Variants in HMX1 observed in about 807,000 individuals in gnomAD.
The protein encoded by HMX1 is homeobox protein HMX1.
HMX1 carries 8 observed loss-of-function variants against 8.9 expected under a neutral mutation model. That is an observed-to-expected ratio of 0.90 (90% confidence interval 0.53 to 1.63). HMX1 has a LOEUF of 1.63. HMX1 is among the 40% of genes most tolerant of loss of function. The pLI is 0.00. For synonymous variants in HMX1, 311 were observed against 283.4 expected, an observed-to-expected ratio of 1.10 and a Z score of -0.98; for missense variants, 621 against 558.5, an observed-to-expected ratio of 1.11 and a Z score of -1.13.
intron 1 of HMX1, among the ~76,000 whole-genome samples, chr4:8,859,577 G>A (rs1184277126): frequency 6.6e-6 from 1 of 152,118 alleles, no homozygotes; most frequent in Non-Finnish European, 1.5e-5. Context: ...CGAGACCTCC[G>A]GAGCTGACAC....
In HMX1 at chr4:8,849,381, G is replaced by A. The variant is rs534562866; in HGVS notation, c.395-3057C>T. 1.3e-4 allele frequency among the ~76,000 whole-genome samples: 19 copies of A among 151,766 alleles called. No homozygotes were observed. The highest frequency in any genetic ancestry group is 3.5e-3 in the Middle Eastern group (1 of 288). On this transcript the variant is annotated intron_variant, in intron 1 of 1. Coordinates refer to the HMX1 transcript ENST00000506970. This position sits in a 1 kb window ranked among gnomAD's most constrained non-coding sequence, Gnocchi z 6.6. Reference sequence around the variant, plus strand: ...ACAGACTCACTAGAGGCAGGGCAGCGTGAAGCCAAGGAGAAGGCGGGCACT... The same window carrying A: ...ACAGACTCACTAGAGGCAGGGCAGCATGAAGCCAAGGAGAAGGCGGGCACT...
chr4:8,871,418 T>TGTAGCCGTCGCCGCC lies in HMX1; in HGVS notation c.182_196dup (p.Arg61_Leu65dup), dbSNP rs1722216390. 1 of 1,305,240 alleles carries TGTAGCCGTCGCCGCC rather than the reference T, an allele frequency of 7.7e-7. No homozygotes were observed. The highest frequency in any genetic ancestry group is 3.4e-5 in the East Asian group (1 of 29,528). The allele number at this position is 1,305,240 out of a possible 1,614,324, so 80.9% of individuals were successfully genotyped here. A position where few individuals can be genotyped will look rare whatever the true frequency, so the allele number is the denominator to read the frequency against. ...GCCCGCGAGCAACTGTCGCCGCCGC[T>TGTAGCCGTCGCCGCC]GTAGCCGTCGCCGCCGCGCCTGCTC... On this transcript the variant is annotated inframe_insertion, in exon 1 of 2. Coordinates refer to ENST00000400677, the MANE Select transcript of HMX1 (RefSeq NM_018942.3). This position sits in a 1 kb window ranked among gnomAD's most constrained non-coding sequence, Gnocchi z 4.8.
At chr4:8,869,308 C>G (rs1722133365) in intron 1 of HMX1, among the ~76,000 whole-genome samples, 1 of 152,200 alleles carries the variant, frequency 6.6e-6, no homozygotes. Context: ...AGCACTTGCC[C>G]AGATTGAAGA....
In HMX1 at chr4:8,846,295, G is replaced by A; in HGVS notation, c.424C>T (p.Gln142Ter). The A allele has an allele frequency of 1.3e-6, 2 of 1,535,152 alleles. No individual in the cohort carries two copies. The highest frequency in any genetic ancestry group is 1.7e-6 in the Non-Finnish European group (2 of 1,146,532). ...CTGGTCACCTGCCCCTCTCCACACTGCACAGGCTGAGGTGTAATCTTCTGT... is the reference window on the plus strand; with the variant it reads ...CTGGTCACCTGCCCCTCTCCACACTACACAGGCTGAGGTGTAATCTTCTGT... Residue 142 changes from glutamine (Q) to a stop codon, truncating the protein, a stop_gained, in exon 2 of 2, where the codon CAG (glutamine) becomes TAG (stop). Transcript: ENST00000506970. LOFTEE classifies it low-confidence loss of function (END_TRUNC).
Position 8,871,597 on chromosome 4 carries a change from CG to C in HMX1, c.17del (p.Thr6ArgfsTer219). MPDELTEPGRATPARA... is the reference protein window; with the variant it reads MPDELXEPGRATPARA... ...GGGCCGGCGTGGCGCGCCCGGGCTC[CG>C]TCAGCTCGTCAGGCATCGCGGCCGC... On this transcript the variant is annotated frameshift_variant, in exon 1 of 2. Coordinates refer to ENST00000400677, the MANE Select transcript of HMX1 (RefSeq NM_018942.3). LOFTEE classifies it high-confidence loss of function. The surrounding 1 kb of genome is among the most constrained non-coding windows in gnomAD (Gnocchi z 4.8). 7.6e-7 allele frequency: 1 copy of C among 1,321,554 alleles called. No homozygotes were observed. 81.9% of individuals were successfully genotyped at this position (1,321,554 alleles called of 1,614,324 possible).
downstream of HMX1, among the ~76,000 whole-genome samples, chr4:8,864,072 A>G (rs531302206): frequency 2.0e-5 from 3 of 152,302 alleles, no homozygotes; most frequent in East Asian, 5.8e-4. Flanking sequence ...ATAGTCCCAG[A>G]GCACTGAGAG....
At chr4:8,857,283 C>T (rs1721637407) in intron 1 of HMX1, among the ~76,000 whole-genome samples, 1 of 152,220 alleles carries the variant, frequency 6.6e-6, no homozygotes, top group African/African-American at 2.4e-5. Context: ...CGCCTCCAGG[C>T]CGCCAACCTC....
At position 8,848,756 on chromosome 4, in the gene HMX1, A is replaced by G. The variant is rs1721348319; in HGVS notation, c.395-2432T>C. Among the ~76,000 whole-genome samples the G allele has an allele frequency of 6.6e-6, 1 of 152,190 alleles. No homozygotes were observed. The highest frequency in any genetic ancestry group is 6.5e-5 in the Admixed American group (1 of 15,280). The stretch of plus-strand genomic sequence containing the variant: ...ATGCCTGACACCCAACCTGGGTCAG[A>G]AGATTACCCCAGGGCAAGTAGCAAG... On this transcript the variant is annotated intron_variant, in intron 1 of 1. Coordinates refer to the HMX1 transcript ENST00000506970. The surrounding 1 kb of genome is among the most constrained non-coding windows in gnomAD (Gnocchi z 4.1).
chr4:8,866,285 A>C (rs1282724020), downstream of HMX1, among the ~76,000 whole-genome samples: 1 of 152,170 alleles, frequency 6.6e-6, no homozygotes, highest in Non-Finnish European at 1.5e-5. Flanking sequence ...GCTGCTGCCC[A>C]TCTCACCCGG....
chr4:8,863,574 C>T (rs186578270), downstream of HMX1, among the ~76,000 whole-genome samples: 1 of 152,360 alleles, frequency 6.6e-6, no homozygotes, highest in Non-Finnish European at 1.5e-5. Flanking sequence ...TGGGAGTCGG[C>T]GGGCAGAGGA....
rs908691019 is a variant in HMX1 at position 8,871,150 on chromosome 4, TC to T, written c.394+70del. The T allele has an allele frequency of 3.1e-6, 4 of 1,283,512 alleles. No homozygotes were observed. The African/African-American group carries it at 4.8e-5, about 15-fold the overall frequency. 79.5% of individuals were successfully genotyped at this position (1,283,512 alleles called of 1,614,324 possible). ...AGAACGGGCGGCGACGAGCCCGAAG[TC>T]CCCCAGCAAATGCGCAGGGAGGAAG... On this transcript the variant is annotated intron_variant, in intron 1 of 1. Transcript: ENST00000400677. The surrounding 1 kb of genome is among the most constrained non-coding windows in gnomAD (Gnocchi z 4.8).
In HMX1 at chr4:8,867,178, G is replaced by A. The variant is rs552110247; in HGVS notation, c.*515C>T. 2 of 985,618 alleles carry A rather than the reference G, an allele frequency of 2.0e-6. No homozygotes were observed. Among genetic ancestry groups the A allele is most frequent in the Non-Finnish European group, 1.2e-6 (1 of 830,030 alleles). The allele number at this position is 985,618 out of a possible 1,614,324, so 61.1% of individuals were successfully genotyped here. ...CCTGGAACGGACGATGGGACCCACAGGTCCAGGGTCCTTTCTCCACCAGCA... is the reference window on the plus strand; with the variant it reads ...CCTGGAACGGACGATGGGACCCACAAGTCCAGGGTCCTTTCTCCACCAGCA... On this transcript the variant is annotated 3_prime_UTR_variant, in exon 2 of 2. Transcript: ENST00000400677.
intron 1 of HMX1, among the ~76,000 whole-genome samples, chr4:8,861,723 G>A (rs1465087449): frequency 6.6e-6 from 1 of 152,212 alleles, no homozygotes; most frequent in Non-Finnish European, 1.5e-5. Context: ...TCGTTCCAGG[G>A]GCCTCTGCGC....
intron 1 of HMX1, among the ~76,000 whole-genome samples, chr4:8,857,979 G>A (rs894714380): frequency 6.6e-6 from 1 of 152,122 alleles, no homozygotes; most frequent in Non-Finnish European, 1.5e-5. Context: ...GAGGGGTGAA[G>A]CCGAGGGGTG....
At chr4:8,856,462 T>TAGG (rs935624262) in intron 1 of HMX1, among the ~76,000 whole-genome samples, 2 of 151,600 alleles carry the variant, frequency 1.3e-5, no homozygotes, top group Non-Finnish European at 2.9e-5. Flanking sequence ...AAATGAAGAC[T>TAGG]AGGAGGAGGA....
chr4:8,852,930 G>A (rs1336793497), intron 1 of HMX1, among the ~76,000 whole-genome samples: 3 of 152,060 alleles, frequency 2.0e-5, no homozygotes, highest in African/African-American at 7.2e-5. Flanking sequence ...TGTGAGAGCT[G>A]GTGCTTCAGC....
chr4:8,866,595 G>C (rs764722406), downstream of HMX1, among the ~76,000 whole-genome samples: 8 of 152,224 alleles, frequency 5.3e-5, no homozygotes, highest in African/African-American at 1.7e-4. Context: ...ACTGCAGGCC[G>C]GGAGGAAGAC....
At position 8,867,722 on chromosome 4, in the gene HMX1, G is replaced by GA. The variant is rs1722052706; in HGVS notation, c.1017dup (p.Leu340SerfsTer40). The GA allele has an allele frequency of 4.7e-6, 6 of 1,281,010 alleles. No individual in the cohort carries two copies. The highest frequency in any genetic ancestry group is 1.5e-5 in the African/African-American group (1 of 64,928). 79.4% of individuals were successfully genotyped at this position (1,281,010 alleles called of 1,614,324 possible). A position where few individuals can be genotyped will look rare whatever the true frequency, so the allele number is the denominator to read the frequency against. ...ACCAGGCCAGGCATCTGCGCCCGCAGAAAGGGCACGGAGGCGGCGGCCGGG... is the reference window on the plus strand; with the variant it reads ...ACCAGGCCAGGCATCTGCGCCCGCAGAAAAGGGCACGGAGGCGGCGGCCGGG... On this transcript the variant is annotated frameshift_variant, in exon 2 of 2. Transcript: ENST00000400677. LOFTEE classifies it high-confidence loss of function.
downstream of HMX1, among the ~76,000 whole-genome samples, chr4:8,862,088 TG>T (rs1483702097): frequency 6.6e-6 from 1 of 152,062 alleles, no homozygotes; most frequent in African/African-American, 2.4e-5. Context: ...GTGCCCTGGG[TG>T]GGGGAACCCG....
Sources: allele counts gnomAD v4.1 joint callset (sites outside exome capture counted in the v4.1 genomes callset), GRCh38; gene constraint gnomAD v4.1.1; non-coding constraint Gnocchi (gnomAD v3.1); transcripts MANE v1.5; gene names NCBI Gene and HGNC (gene_info 2026-07-23, HGNC 2026-07-21).